ZNF77: variants seen among roughly 807,000 people sequenced by gnomAD.
The protein encoded by ZNF77 is ZNFpT1.
A neutral mutation model predicts 13.5 loss-of-function variants in ZNF77; 15 were observed. That is an observed-to-expected ratio of 1.11 (90% CI 0.74 to 1.71). ZNF77 has a LOEUF of 1.71. ZNF77 is among the 40% of genes most tolerant of loss of function. The pLI is 0.00. For synonymous variants in ZNF77, 282 were observed against 250.0 expected (o/e 1.13, Z -1.21); for missense variants, 717 against 676.4 (o/e 1.06, Z -0.67).
Position 2,944,905 on chromosome 19 carries a change from C to A in ZNF77, c.-65G>T. ...CGGTCCAGCGACCGGCGCAGGTGAGCACGACAGGACACCTGAGCCGCTCGG... is the reference window on the plus strand; with the variant it reads ...CGGTCCAGCGACCGGCGCAGGTGAGAACGACAGGACACCTGAGCCGCTCGG... On this transcript the variant is annotated 5_prime_UTR_variant, in exon 1 of 4. Transcript: ENST00000314531. The A allele has an allele frequency of 6.7e-7, 1 of 1,500,052 alleles. No homozygotes were observed. Among genetic ancestry groups the A allele is most frequent in the Non-Finnish European group, 8.8e-7 (1 of 1,131,448 alleles). 92.9% of individuals were successfully genotyped at this position (1,500,052 alleles called of 1,614,324 possible).
chr19:2,934,985 G>T (rs1305109372), intron 3 of ZNF77, among the ~76,000 whole-genome samples, 170 bp from the exon 4 acceptor site: 1 of 152,196 alleles, frequency 6.6e-6, no homozygotes, highest in Non-Finnish European at 1.5e-5. Context: ...TGCTCTAGCT[G>T]AAGGCTCAAC....
Position 2,933,615 on chromosome 19 carries a change from G to A in ZNF77, c.1512C>T (p.Ser504=). 6.2e-7 allele frequency: 1 copy of A among 1,614,088 alleles called. No homozygotes were observed. The highest frequency in any genetic ancestry group is 8.5e-7 in the Non-Finnish European group (1 of 1,179,958). Residue 504 remains serine, a synonymous_variant, in exon 4 of 4, where the codon TCC becomes TCT. Transcript: ENST00000314531. ...CTECGKAYSC[S]SSLRVHVRTH... ...TTCTCACGTGCACACGAAGGGACGA[G>A]GAACAACTGTAGGCTTTCCCACATT...
intron 1 of ZNF77, among the ~76,000 whole-genome samples, chr19:2,942,174 C>T (rs77664718): frequency 0.17 from 26,203 of 150,968 alleles, 2,657 homozygotes; most frequent in Non-Finnish European, 0.24. Context: ...CCGGTTCAAG[C>T]GATTCTCCTG....
At chr19:2,938,702 A>C (rs1333491784) in intron 2 of ZNF77, among the ~76,000 whole-genome samples, 2 of 152,204 alleles carry the variant, frequency 1.3e-5, no homozygotes, top group Admixed American at 6.5e-5. Flanking sequence ...CACGCCTGTA[A>C]TCCCAGCACT....
chr19:2,938,874 T>C (rs185656440), intron 2 of ZNF77, among the ~76,000 whole-genome samples: 358 of 151,340 alleles, frequency 2.4e-3, no homozygotes, highest in African/African-American at 8.1e-3. Flanking sequence ...GAGAATGGCA[T>C]GAACCCGGGA....
At chr19:2,943,684 T>C (rs1236570607) in intron 1 of ZNF77, among the ~76,000 whole-genome samples, 2 of 137,922 alleles carry the variant, frequency 1.5e-5, no homozygotes, top group African/African-American at 5.3e-5. Flanking sequence ...TCTCCTTCTC[T>C]AGCCAGGATT....
chr19:2,934,687 C>A lies in ZNF77; in HGVS notation c.440G>T (p.Cys147Phe). The change falls in exon 4 of 4, where the codon TGT becomes TTT. Residue 147 changes from cysteine (C) to phenylalanine (F), a missense_variant. Transcript: ENST00000314531. ...CTGCCGATTCTCGAAGGCTTTGCCA[C>A]ACTTAGTGCACTCAGAGGGTTTAGC... is the stretch of plus-strand genomic sequence containing the variant. ...TEAKPSECTK[C>F]GKAFENRQRS... 6.2e-7 allele frequency: 1 copy of A among 1,614,172 alleles called. No individual in the cohort carries two copies. Among genetic ancestry groups the A allele is most frequent in the African/African-American group, 1.3e-5 (1 of 75,046 alleles).
intron 1 of ZNF77, among the ~76,000 whole-genome samples, chr19:2,944,608 G>T (rs1219812564): frequency 6.6e-6 from 1 of 150,828 alleles, no homozygotes; most frequent in Non-Finnish European, 1.5e-5. Context: ...CTCCTGACCT[G>T]TACTGTCCCC....
intron 1 of ZNF77, among the ~76,000 whole-genome samples, chr19:2,943,692 A>ATTTTTTTTTTTTGTT (rs2088470464): frequency 1.3e-5 from 1 of 76,770 alleles, no homozygotes. Flanking sequence ...TCTAGCCAGG[A>ATTTTTTTTTTTTGTT]TTTTTTTTTT....
intron 2 of ZNF77, among the ~76,000 whole-genome samples, chr19:2,938,806 A>G (rs899778096): frequency 6.6e-6 from 1 of 152,060 alleles, no homozygotes; most frequent in Non-Finnish European, 1.5e-5. Flanking sequence ...GCTACAAAAA[A>G]TTAGCCAGGC....
rs1223515632 is a variant in ZNF77 at position 2,934,293 on chromosome 19, G to A, written c.834C>T (p.Ser278=). The A allele has an allele frequency of 1.2e-6, 2 of 1,612,986 alleles. No individual in the cohort carries two copies. The highest frequency in any genetic ancestry group is 2.7e-5 in the African/African-American group (2 of 74,762). Residue 278 remains serine (S), a synonymous_variant, in exon 4 of 4, where the codon AGC becomes AGT. Coordinates refer to ENST00000314531, the MANE Select transcript of ZNF77 (RefSeq NM_021217.3). ...CATGTTCTCGAAAGTATGAGGGACAGCTGAAGGCTTTCCCACACTCCTTAC... is the reference window on the plus strand; with the variant it reads ...CATGTTCTCGAAAGTATGAGGGACAACTGAAGGCTTTCCCACACTCCTTAC... ...YECKECGKAF[S]CPSYFREHVR... is the part of the protein sequence containing the mutation.
Position 2,934,091 on chromosome 19 carries a change from G to A in ZNF77, c.1036C>T (p.His346Tyr). The change falls in exon 4 of 4, where the codon CAC becomes TAC. Residue 346 changes from histidine (H) to tyrosine (Y), a missense_variant. Coordinates refer to ENST00000314531, the MANE Select transcript of ZNF77 (RefSeq NM_021217.3). ...CATTCATAGGGTTTCTCTCCACTGT[G>A]CGTTCTCCCATGTTCTCGAAGAGAC... ...YSSLREHGRTHSGEKPYECKE... is the reference protein window; with the variant it reads ...YSSLREHGRTYSGEKPYECKE... 1 of 1,614,058 alleles carries A rather than the reference G, an allele frequency of 6.2e-7. No homozygotes were observed. Among genetic ancestry groups the A allele is most frequent in the East Asian group, 2.2e-5 (1 of 44,868 alleles).
At chr19:2,935,087 C>T (rs1164648470) in intron 3 of ZNF77, among the ~76,000 whole-genome samples, 10 of 152,066 alleles carry the variant, frequency 6.6e-5, no homozygotes, top group East Asian at 1.9e-4. Flanking sequence ...GGCGCCATCT[C>T]GGCTCACTGC....
Position 2,934,474 on chromosome 19 carries a change from C to T in ZNF77, c.653G>A (p.Gly218Glu), listed in dbSNP as rs2088377459. ...AGATGAGGGACAAATGAAAGCTTTT[C>T]CACATTTCTGACATTCATAAGACTT... ...SKKSYECQKC[G>E]KAFICPSSFR... Residue 218 changes from glycine to glutamate, a missense_variant, in exon 4 of 4, where the codon GGA becomes GAA. Physicochemically the swap from Gly to Glu is moderately conservative, Grantham distance 98 (BLOSUM62 -2). Transcript: ENST00000314531. 1.2e-6 allele frequency: 2 copies of T among 1,614,048 alleles called. No homozygotes were observed. The highest frequency in any genetic ancestry group is 1.3e-5 in the African/African-American group (1 of 74,926).
Position 2,934,294 on chromosome 19 carries a change from C to G in ZNF77, c.833G>C (p.Ser278Thr), listed in dbSNP as rs2088374626. The change falls in exon 4 of 4, where the codon AGC becomes ACC. Residue 278 changes from serine (S) to threonine (T), a missense_variant. Transcript: ENST00000314531. The part of the protein sequence containing the change: ...YECKECGKAF[S>T]CPSYFREHVR... ...ATGTTCTCGAAAGTATGAGGGACAG[C>G]TGAAGGCTTTCCCACACTCCTTACA... 4 of 1,613,480 alleles carry G rather than the reference C, an allele frequency of 2.5e-6. No homozygotes were observed. The highest frequency in any genetic ancestry group is 3.4e-6 in the Non-Finnish European group (4 of 1,179,560).
At chr19:2,938,053 G>A (rs187864121) in intron 2 of ZNF77, among the ~76,000 whole-genome samples, 220 of 152,228 alleles carry the variant, frequency 1.4e-3, no homozygotes, top group Non-Finnish European at 2.8e-3. Flanking sequence ...CACTGCGTGC[G>A]GCCAGGGGTT....
intron 3 of ZNF77, 98 bp from the exon 4 acceptor site, chr19:2,934,913 A>G (rs886177766): frequency 2.1e-6 from 3 of 1,434,710 alleles, no homozygotes; most frequent in African/African-American, 1.4e-5. Context: ...TTATTTGCCA[A>G]TTTCACTGAA....
chr19:2,944,894 G>A lies in ZNF77; in HGVS notation c.-54C>T, dbSNP rs1031153725. The A allele has an allele frequency of 2.0e-6, 3 of 1,515,576 alleles. No individual in the cohort carries two copies. Among genetic ancestry groups the A allele is most frequent in the African/African-American group, 1.4e-5 (1 of 70,866 alleles). The allele number at this position is 1,515,576 out of a possible 1,614,324, so 93.9% of individuals were successfully genotyped here. ...TTAGCGCCCCGCGGTCCAGCGACCG[G>A]CGCAGGTGAGCACGACAGGACACCT... On this transcript the variant is annotated 5_prime_UTR_variant, in exon 1 of 4. Coordinates refer to ENST00000314531, the MANE Select transcript of ZNF77 (RefSeq NM_021217.3).
At chr19:2,944,699 A>T in intron 1 of ZNF77, 139 bp downstream of exon 1, 1 of 1,261,888 alleles carries the variant, frequency 7.9e-7, no homozygotes, top group Non-Finnish European at 1.0e-6. Flanking sequence ...CGCTGTGACC[A>T]CGTCCCCGGG....
Sources: allele counts gnomAD v4.1 joint callset (sites outside exome capture counted in the v4.1 genomes callset), GRCh38; gene constraint gnomAD v4.1.1; transcripts MANE v1.5; gene names NCBI Gene and HGNC (gene_info 2026-07-23, HGNC 2026-07-21).